Variants in PROM1 observed in about 807,000 individuals in gnomAD.
PROM1 encodes the protein prominin-1.
A neutral mutation model predicts 116.9 loss-of-function variants in PROM1; 105 were observed. The observed-to-expected ratio is 0.90, with a 90% CI of 0.77 to 1.06. The LOEUF is 1.06. Among genes scored for constraint, PROM1 ranks in the 50% least tolerant of loss-of-function variants. The pLI is 0.00. For synonymous variants in PROM1, 393 were observed against 387.0 expected (o/e 1.02, Z -0.18); for missense variants, 1,122 against 1,045.2 (o/e 1.07, Z -1.01).
chr4:16,016,701 C>T (rs2531154), intron 9 of PROM1, among the ~76,000 whole-genome samples: 135,792 of 152,184 alleles, frequency 0.89, 60,917 homozygotes, highest in Middle Eastern at 0.94. Flanking sequence ...CATATGCCTC[C>T]CACATGATGT....
At chr4:16,000,952 C>G (rs547597907) in intron 13 of PROM1, among the ~76,000 whole-genome samples, 1 of 152,050 alleles carries the variant, frequency 6.6e-6, no homozygotes, top group African/African-American at 2.4e-5. Flanking sequence ...TGGGGACCCA[C>G]GAGGGGTAGC....
chr4:16,044,558 G>A (rs572638586), intron 2 of PROM1, among the ~76,000 whole-genome samples: 6 of 152,314 alleles, frequency 3.9e-5, no homozygotes, highest in East Asian at 1.9e-4. Context: ...GGTCTTGCAC[G>A]TGGCTCTGTG....
chr4:16,066,743 G>A (rs1182038405), intron 2 of PROM1, among the ~76,000 whole-genome samples: 1 of 152,174 alleles, frequency 6.6e-6, no homozygotes, highest in Non-Finnish European at 1.5e-5. Context: ...GTGGCTTCAT[G>A]CAGCAGCTGC....
intron 2 of PROM1, among the ~76,000 whole-genome samples, chr4:16,063,007 G>C (rs1740692014): frequency 6.6e-6 from 1 of 152,120 alleles, no homozygotes; most frequent in South Asian, 2.1e-4. Context: ...TCTAGACAGT[G>C]ATCATCATCA....
At chr4:16,049,405 G>C (rs1290910449) in intron 2 of PROM1, among the ~76,000 whole-genome samples, 1 of 152,048 alleles carries the variant, frequency 6.6e-6, no homozygotes, top group Non-Finnish European at 1.5e-5. Flanking sequence ...GTTGTGAAGG[G>C]GAAATGATTT....
rs138518487 is a variant in PROM1 at position 16,025,382 on chromosome 4, C to T, written c.510-70G>A. 6.8e-4 allele frequency: 1,082 copies of T among 1,580,546 alleles called. 4 individuals carry two copies. The African/African-American group carries it at 7.0e-3, about 10-fold the overall frequency. On this transcript the variant is annotated intron_variant, in intron 5 of 27. Transcript: ENST00000447510. ...CCATGGTTCTTTGTCCAGGTCCAGG[C>T]AGCAGAGCAGGAGTCAGGGAGGAGC...
At chr4:15,992,066 C>T (rs1721185739) in intron 17 of PROM1, among the ~76,000 whole-genome samples, 182 bp downstream of exon 17, 1 of 151,552 alleles carries the variant, frequency 6.6e-6, no homozygotes, top group African/African-American at 2.4e-5. Flanking sequence ...CTTGGAACTA[C>T]AGGAACTACA....
chr4:15,979,345 A>G, intron 26 of PROM1, 50 bp downstream of exon 26: 1 of 1,612,676 alleles, frequency 6.2e-7, no homozygotes, highest in Non-Finnish European at 8.5e-7. Flanking sequence ...TCTATAGGAG[A>G]TGAGACGGTT....
chr4:15,999,895 C>T (rs1406430717), intron 14 of PROM1, among the ~76,000 whole-genome samples: 1 of 151,620 alleles, frequency 6.6e-6, no homozygotes, highest in Non-Finnish European at 1.5e-5. Flanking sequence ...ACACTTACAA[C>T]AAAATTTCCT....
chr4:16,079,631 G>C lies in PROM1; in HGVS notation c.-212-3513C>G, dbSNP rs570198724. Among the ~76,000 whole-genome samples the C allele has an allele frequency of 3.3e-5, 5 of 152,246 alleles. No individual in the cohort carries two copies. The South Asian group carries it at 1.0e-3, about 32-fold the overall frequency. On this transcript the variant is annotated intron_variant, in intron 1 of 27. Coordinates refer to ENST00000447510, the MANE Select transcript of PROM1 (RefSeq NM_006017.3). ...GTCTCGGGATAAAATGGGGTGTTTA[G>C]TTGAAATGCAGACTATTAATGGACC...
At chr4:15,995,328 A>C (rs1343754421) in intron 15 of PROM1, among the ~76,000 whole-genome samples, 8 of 86,508 alleles carry the variant, frequency 9.2e-5, no homozygotes, top group African/African-American at 2.9e-4. Context: ...AAGAAGAAGA[A>C]GACGAAGAAG....
chr4:16,008,918 C>T (rs370613559), intron 12 of PROM1, 31 bp downstream of exon 12: 9 of 1,533,658 alleles, frequency 5.9e-6, no homozygotes, highest in East Asian at 2.3e-5. Flanking sequence ...AGTTCACTCT[C>T]GTAGTTCACC....
intron 4 of PROM1, among the ~76,000 whole-genome samples, chr4:16,034,036 T>C (rs1031583678): frequency 6.6e-6 from 1 of 152,142 alleles, no homozygotes; most frequent in African/African-American, 2.4e-5. Context: ...CCTAGGAAGA[T>C]GTCTAAATGC....
chr4:16,032,539 T>C (rs1055778545), intron 5 of PROM1, among the ~76,000 whole-genome samples: 1 of 152,216 alleles, frequency 6.6e-6, no homozygotes, highest in Non-Finnish European at 1.5e-5. Context: ...CATAGGCACA[T>C]TGATTTCTGC....
At position 16,066,342 on chromosome 4, in the gene PROM1, C is replaced by T. The variant is rs561571153; in HGVS notation, c.220+9345G>A. ...TGACAAACACTTAGTATCTACCAAG[C>T]GCTATTCTAAATGCTTTATAAATAT... On this transcript the variant is annotated intron_variant, in intron 2 of 27. Coordinates refer to ENST00000447510, the MANE Select transcript of PROM1 (RefSeq NM_006017.3). Among the ~76,000 whole-genome samples the T allele has an allele frequency of 3.9e-5, 6 of 152,176 alleles. No homozygotes were observed. The South Asian group carries it at 6.2e-4, about 16-fold the overall frequency.
chr4:16,050,044 C>T (rs1418074322), intron 2 of PROM1, among the ~76,000 whole-genome samples: 1 of 151,990 alleles, frequency 6.6e-6, no homozygotes, highest in African/African-American at 2.4e-5. Flanking sequence ...GGGCAGATCA[C>T]GAGGTCAGGA....
chr4:16,015,345 C>CAAAAAAAAAAAAAA (rs71649934), intron 10 of PROM1, among the ~76,000 whole-genome samples: 2 of 51,540 alleles, frequency 3.9e-5, no homozygotes, highest in Non-Finnish European at 6.5e-5. Flanking sequence ...GACTCCATCT[C>CAAAAAAAAAAAAAA]AAAAAAAAAA....
At chr4:15,994,979 G>T (rs1458573680) in intron 15 of PROM1, among the ~76,000 whole-genome samples, 1 of 152,248 alleles carries the variant, frequency 6.6e-6, no homozygotes, top group Non-Finnish European at 1.5e-5. Context: ...TAGCATGCCA[G>T]GCTGAGACAC....
chr4:16,047,022 T>C (rs138044171), intron 2 of PROM1, among the ~76,000 whole-genome samples: 24 of 152,288 alleles, frequency 1.6e-4, no homozygotes, highest in African/African-American at 4.3e-4. Flanking sequence ...CAGAGACTTA[T>C]TCTAAGGAAT....
Sources: allele counts gnomAD v4.1 joint callset (sites outside exome capture counted in the v4.1 genomes callset), GRCh38; gene constraint gnomAD v4.1.1; transcripts MANE v1.5; gene names NCBI Gene and HGNC (gene_info 2026-07-23, HGNC 2026-07-21).